GRK2: variants seen among roughly 807,000 people sequenced by gnomAD.
The protein encoded by GRK2 is G protein-coupled receptor kinase 2.
In GRK2, 23 loss-of-function variants were observed where a neutral mutation model predicts 97.8. The observed-to-expected ratio is 0.24, with a 90% CI of 0.17 to 0.33. The LOEUF (loss-of-function observed/expected upper bound fraction) is 0.33. GRK2 is among the 10% of genes least tolerant of loss of function. The pLI, the probability that GRK2 is intolerant of heterozygous loss-of-function variation, is 1.00. For synonymous variants in GRK2, 425 were observed against 381.7 expected (o/e 1.11, Z -1.32); for missense variants, 633 against 956.9 (o/e 0.66, Z 4.47).
chr11:67,281,629 T>TC lies in GRK2; in HGVS notation c.748-17dup. The TC allele has an allele frequency of 1.7e-6, 1 of 575,014 alleles. No homozygotes were observed. The highest frequency in any genetic ancestry group is 2.6e-6 in the Non-Finnish European group (1 of 378,120). 35.6% of individuals were successfully genotyped at this position (575,014 alleles called of 1,614,324 possible). A position where few individuals can be genotyped will look rare whatever the true frequency, so the allele number is the denominator to read the frequency against. The stretch of plus-strand genomic sequence containing the variant: ...GCGCCCCTGCTAACTGCCCGCCCCC[T>TC]CCCCTCCTCTCCCCTCCTAGGACTG... On this transcript the variant is annotated intron_variant, in intron 9 of 20. Coordinates refer to ENST00000308595, the MANE Select transcript of GRK2 (RefSeq NM_001619.5). The surrounding 1 kb of genome is among the most constrained non-coding windows in gnomAD (Gnocchi z 5.7).
At chr11:67,277,935 T>C (rs1423439980) in intron 2 of GRK2, among the ~76,000 whole-genome samples, 3 of 152,134 alleles carry the variant, frequency 2.0e-5, no homozygotes, top group East Asian at 3.9e-4. Flanking sequence ...GAACAGGAGC[T>C]CAGCTCTGGA....
chr11:67,279,766 T>G, intron 5 of GRK2, 66 bp downstream of exon 5: 1 of 1,612,654 alleles, frequency 6.2e-7, no homozygotes, highest in Non-Finnish European at 8.5e-7. Context: ...ACAAGCCTGG[T>G]CAGCCAGGGG....
In GRK2 at chr11:67,286,291, C is replaced by T. The variant is rs1188908314; in HGVS notation, c.*841C>T. ...TGGCTGGGGCCTATCAGTGTGCCCC[C>T]CATCCTGGCCCATCAGTGTACCCCC... On this transcript the variant is annotated 3_prime_UTR_variant, in exon 21 of 21. Transcript: ENST00000308595. The T allele has an allele frequency of 4.7e-6, 3 of 640,940 alleles. No individual in the cohort carries two copies. In the African/African-American group the frequency reaches 5.6e-5, roughly 12 times the overall value. 39.7% of individuals were successfully genotyped at this position (640,940 alleles called of 1,614,324 possible). A position where few individuals can be genotyped will look rare whatever the true frequency, so the allele number is the denominator to read the frequency against.
chr11:67,282,779 C>G lies in GRK2; in HGVS notation c.1188C>G (p.Thr396=), dbSNP rs748718690. ...RGHSPFRQHK[T]KDKHEIDRMT... is the part of the protein sequence containing the mutation. ...ACAGCCCCTTCCGGCAGCACAAGAC[C>G]AAAGACAAGCATGAGATCGACCGCA... Residue 396 remains threonine (T), a synonymous_variant, in exon 14 of 21, where the codon ACC becomes ACG. Transcript: ENST00000308595. This position sits in a 1 kb window ranked among gnomAD's most constrained non-coding sequence, Gnocchi z 6.9. 6.2e-7 allele frequency: 1 copy of G among 1,611,216 alleles called. No homozygotes were observed.
intron 18 of GRK2, chr11:67,284,618 C>G (rs1359317179): frequency 1.4e-6 from 1 of 724,142 alleles, no homozygotes; most frequent in African/African-American, 1.8e-5. Flanking sequence ...AACCCTGTCT[C>G]TACCAAAAAA....
Position 67,286,162 on chromosome 11 carries a change from T to C in GRK2, c.*712T>C. 1.9e-6 allele frequency: 1 copy of C among 512,830 alleles called. No individual in the cohort carries two copies. The highest frequency in any genetic ancestry group is 2.5e-5 in the South Asian group (1 of 40,478). 31.8% of individuals were successfully genotyped at this position (512,830 alleles called of 1,614,324 possible). A position where few individuals can be genotyped will look rare whatever the true frequency, so the allele number is the denominator to read the frequency against. The stretch of plus-strand genomic sequence containing the variant: ...AGCAAGGCACCTGCAGGTTGGGCCA[T>C]ACTGGCCTCGCCTGGCCTGAGGTCT... On this transcript the variant is annotated 3_prime_UTR_variant, in exon 21 of 21. Coordinates refer to ENST00000308595, the MANE Select transcript of GRK2 (RefSeq NM_001619.5).
rs965664574 is a variant in GRK2, at chr11:67,283,782, C to T, written c.1395+9C>T. ...TGGTCTTCTTGCAGAAGGTAACAGT[C>T]TGCGGCAGGGACTGGGGGTGCTCTG... On this transcript the variant is annotated intron_variant, in intron 16 of 20. Transcript: ENST00000308595. 3 of 1,613,502 alleles carry T rather than the reference C, an allele frequency of 1.9e-6. No homozygotes were observed. The highest frequency in any genetic ancestry group is 2.5e-6 in the Non-Finnish European group (3 of 1,179,978).
In GRK2 at chr11:67,284,243, C is replaced by T; in HGVS notation, c.1524C>T (p.Asn508=). 6.2e-7 allele frequency: 1 copy of T among 1,613,722 alleles called. No homozygotes were observed. The highest frequency in any genetic ancestry group is 2.2e-5 in the East Asian group (1 of 44,892). The change falls in exon 18 of 21, where the codon AAC becomes AAT. Residue 508 remains asparagine, a synonymous_variant. Transcript: ENST00000308595. ...ACAGTGATCAGGAGCTCTACCGCAA[C>T]TTCCCCCTCACCATCTCGGAGCGGT... The part of the protein sequence containing the change: ...LLDSDQELYR[N]FPLTISERWQ...
intron 15 of GRK2, 85 bp downstream of exon 15, chr11:67,283,313 A>G (rs1484524242): frequency 8.1e-7 from 1 of 1,241,890 alleles, no homozygotes; most frequent in Non-Finnish European, 1.2e-6. Context: ...AACCCCCTCC[A>G]AGGTCCCAGC....
intron 1 of GRK2, among the ~76,000 whole-genome samples, chr11:67,272,929 C>G (rs966183624): frequency 4.6e-5 from 7 of 152,244 alleles, no homozygotes; most frequent in Non-Finnish European, 8.8e-5. Flanking sequence ...TTGAGCAAGA[C>G]CAGTTACTGT....
At chr11:67,283,638 G>A in intron 15 of GRK2, 69 bp from the exon 16 acceptor site, 6 of 1,500,642 alleles carry the variant, frequency 4.0e-6, no homozygotes, top group Non-Finnish European at 1.8e-6. Flanking sequence ...GCCAGAAAGT[G>A]GCTCAATCAG....
chr11:67,274,685 G>A (rs1859991200), intron 1 of GRK2, among the ~76,000 whole-genome samples: 1 of 151,522 alleles, frequency 6.6e-6, no homozygotes, highest in African/African-American at 2.4e-5. Context: ...CAGGTGCCAA[G>A]GGCAGGGACC....
intron 17 of GRK2, 96 bp from the exon 18 acceptor site, chr11:67,284,115 T>C: frequency 6.5e-7 from 1 of 1,530,266 alleles, no homozygotes; most frequent in African/African-American, 1.4e-5. Flanking sequence ...GCACTGACCA[T>C]CCCTACCCAG....
In GRK2 at chr11:67,281,045, G is replaced by A. The variant is rs1304810817; in HGVS notation, c.556-48G>A. On this transcript the variant is annotated intron_variant, in intron 7 of 20. Transcript: ENST00000308595. The surrounding 1 kb of genome is among the most constrained non-coding windows in gnomAD (Gnocchi z 5.7). ...GCTGCCCAGGTGCCTCTGCCCCAGG[G>A]CTGGGCAGAGGCAGCCTGTGGTGAC... is the stretch of plus-strand genomic sequence containing the variant. 1 of 1,526,010 alleles carries A rather than the reference G, an allele frequency of 6.6e-7. No homozygotes were observed. The allele number at this position is 1,526,010 out of a possible 1,614,324, so 94.5% of individuals were successfully genotyped here.
At chr11:67,279,170 G>C (rs375040015) in intron 2 of GRK2, 30 bp from the exon 3 acceptor site, 11 of 1,595,268 alleles carry the variant, frequency 6.9e-6, no homozygotes, top group African/African-American at 1.3e-5. Flanking sequence ...AGAGAGGCGT[G>C]GCTCTGTGAC....
At chr11:67,283,613 G>A (rs762587274) in intron 15 of GRK2, 94 bp from the exon 16 acceptor site, 4 of 1,253,372 alleles carry the variant, frequency 3.2e-6, no homozygotes, top group Non-Finnish European at 4.6e-6. Flanking sequence ...TAAGGAACTT[G>A]CCCAAGTTCA....
intron 1 of GRK2, among the ~76,000 whole-genome samples, chr11:67,271,769 G>A (rs1410920345): frequency 2.6e-5 from 4 of 152,250 alleles, no homozygotes; most frequent in East Asian, 1.9e-4. Context: ...CCTTGGACCT[G>A]CCGGTTTGGG....
chr11:67,274,912 G>A (rs1195134622), intron 1 of GRK2, among the ~76,000 whole-genome samples: 1 of 152,178 alleles, frequency 6.6e-6, no homozygotes, highest in Non-Finnish European at 1.5e-5. Context: ...AGTTCTCAGA[G>A]GGCATCCTCA....
At position 67,282,053 on chromosome 11, in the gene GRK2, A is replaced by G; in HGVS notation, c.957+101A>G. Reference sequence around the variant, plus strand: ...CCCAGAGGAGTGGGGCTCCTGGGACATGGCCGCCCCGTATCTTCCCATCTC... The same window carrying G: ...CCCAGAGGAGTGGGGCTCCTGGGACGTGGCCGCCCCGTATCTTCCCATCTC... On this transcript the variant is annotated intron_variant, in intron 11 of 20. Coordinates refer to ENST00000308595, the MANE Select transcript of GRK2 (RefSeq NM_001619.5). This position sits in a 1 kb window ranked among gnomAD's most constrained non-coding sequence, Gnocchi z 6.9. The G allele has an allele frequency of 6.0e-6, 9 of 1,493,298 alleles. No homozygotes were observed. Among genetic ancestry groups the G allele is most frequent in the Middle Eastern group, 2.2e-4 (1 of 4,648 alleles). 92.5% of individuals were successfully genotyped at this position (1,493,298 alleles called of 1,614,324 possible).
Sources: gnomAD v4.1 joint callset for allele counts (sites outside exome capture counted in the v4.1 genomes callset) on GRCh38, gnomAD v4.1.1 for gene constraint, Gnocchi (gnomAD v3.1) non-coding constraint, MANE v1.5 for transcripts, NCBI Gene and HGNC (gene_info 2026-07-23, HGNC 2026-07-21) for gene names.